VRK1: variants seen among roughly 807,000 people sequenced by gnomAD.
The protein encoded by VRK1 is VRK serine/threonine kinase 1, also known as serine/threonine-protein kinase VRK1.
In VRK1, 33 loss-of-function variants were observed where a neutral mutation model predicts 57.1. The observed-to-expected ratio is 0.58, with a 90% CI of 0.44 to 0.77. The LOEUF (loss-of-function observed/expected upper bound fraction) is 0.77, where lower values mean the gene tolerates loss of function less well. Among genes scored for constraint, VRK1 ranks in the 30% least tolerant of loss-of-function variants. VRK1 has a pLI of 0.00. For missense variants in VRK1, 413 were observed against 477.3 expected (o/e 0.87, Z 1.25); for synonymous variants, 137 against 147.8 (o/e 0.93, Z 0.53).
chr14:96,856,596 G>T lies in VRK1; in HGVS notation c.889+10G>T, dbSNP rs1456272984. The T allele has an allele frequency of 2.5e-6, 4 of 1,610,782 alleles. No homozygotes were observed. The highest frequency in any genetic ancestry group is 2.2e-5 in the South Asian group (2 of 90,922). On this transcript the variant is annotated intron_variant, in intron 10 of 12. Transcript: ENST00000216639. Reference sequence around the variant, plus strand: ...GAGAAAAACAAACCAGGTAGGAAATGACTTCTTCAGTGTTAATAGGGATTT... The same window carrying T: ...GAGAAAAACAAACCAGGTAGGAAATTACTTCTTCAGTGTTAATAGGGATTT...
At chr14:96,880,909 C>T (rs898608702) in intron 12 of VRK1, among the ~76,000 whole-genome samples, 2 of 151,934 alleles carry the variant, frequency 1.3e-5, no homozygotes, top group South Asian at 2.1e-4. Context: ...AAATTAGATA[C>T]GTTTTATCAG....
rs368920903 is a variant in VRK1 at position 96,876,560 on chromosome 14, A to G, written c.1159+440A>G. ...GAAAGGGTTAGTGATAGAGACCAGA[A>G]CTCTTAACTGTCAGGCCAATGTCTT... On this transcript the variant is annotated intron_variant, in intron 12 of 12. Coordinates refer to ENST00000216639, the MANE Select transcript of VRK1 (RefSeq NM_003384.3). Among the ~76,000 whole-genome samples, 46 of 152,136 alleles carry G rather than the reference A, an allele frequency of 3.0e-4. 1 individual carries two copies. The South Asian group carries it at 9.5e-3, about 32-fold the overall frequency.
At chr14:96,866,497 C>A (rs1185449549) in intron 11 of VRK1, among the ~76,000 whole-genome samples, 1 of 152,178 alleles carries the variant, frequency 6.6e-6, no homozygotes, top group East Asian at 1.9e-4. Flanking sequence ...TCTCTTTTCT[C>A]AACAGTTGTG....
chr14:96,820,938 C>A (rs1324577157), intron 1 of VRK1, among the ~76,000 whole-genome samples: 1 of 152,172 alleles, frequency 6.6e-6, no homozygotes, highest in African/African-American at 2.4e-5. Flanking sequence ...ATCTTAAACA[C>A]TTGCATCATT....
chr14:96,875,810 T>A (rs188533927), intron 11 of VRK1, among the ~76,000 whole-genome samples: 7 of 152,318 alleles, frequency 4.6e-5, no homozygotes, highest in African/African-American at 1.7e-4. Flanking sequence ...ACCATCTGGG[T>A]TAACTGTCTA....
At chr14:96,809,314 G>A (rs1187414056) in intron 1 of VRK1, among the ~76,000 whole-genome samples, 1 of 152,182 alleles carries the variant, frequency 6.6e-6, no homozygotes, top group Non-Finnish European at 1.5e-5. Context: ...TTTATGAGAG[G>A]TGTGTCAAAG....
At chr14:96,803,092 G>A (rs967884402) in intron 1 of VRK1, among the ~76,000 whole-genome samples, 3 of 151,752 alleles carry the variant, frequency 2.0e-5, no homozygotes, top group Non-Finnish European at 4.4e-5. Context: ...TGACTGTCTG[G>A]TGTCTTGGTG....
chr14:96,873,657 TA>T (rs1209698291), intron 11 of VRK1, among the ~76,000 whole-genome samples: 2 of 152,198 alleles, frequency 1.3e-5, no homozygotes, highest in Non-Finnish European at 2.9e-5. Context: ...ATCTGAAGCC[TA>T]AGGATGTTGA....
intron 11 of VRK1, among the ~76,000 whole-genome samples, chr14:96,865,956 T>C (rs1040869617): frequency 6.6e-6 from 1 of 152,126 alleles, no homozygotes; most frequent in African/African-American, 2.4e-5. Flanking sequence ...AAAAAGTAAG[T>C]ATTTTTAAAT....
chr14:96,846,388 G>T (rs2139779838), intron 4 of VRK1, among the ~76,000 whole-genome samples: 1 of 152,158 alleles, frequency 6.6e-6, no homozygotes, highest in Admixed American at 6.5e-5. Context: ...AATAATAAAT[G>T]ACCTATGATT....
intron 10 of VRK1, among the ~76,000 whole-genome samples, chr14:96,857,354 G>C (rs1262497284): frequency 6.6e-6 from 1 of 152,102 alleles, no homozygotes; most frequent in Admixed American, 6.5e-5. Context: ...GGTGACATTT[G>C]AGCAGTTGTA....
chr14:96,872,587 C>T (rs189532172), intron 11 of VRK1, among the ~76,000 whole-genome samples: 69 of 152,214 alleles, frequency 4.5e-4, no homozygotes, highest in East Asian at 3.1e-3. Context: ...CATAGGAGAC[C>T]GCATAGTGCT....
At chr14:96,860,369 T>C (rs913637093) in intron 10 of VRK1, among the ~76,000 whole-genome samples, 188 bp from the exon 11 acceptor site, 4 of 152,172 alleles carry the variant, frequency 2.6e-5, no homozygotes, top group East Asian at 1.9e-4. Context: ...CAAAATACTT[T>C]TTAAATTTCA....
At chr14:96,810,735 TTAGA>T (rs1886158945) in intron 1 of VRK1, among the ~76,000 whole-genome samples, 1 of 152,226 alleles carries the variant, frequency 6.6e-6, no homozygotes, top group Admixed American at 6.5e-5. Flanking sequence ...CTGTGGTTTG[TTAGA>T]TCTCTACCTA....
At chr14:96,798,766 T>C (rs992695779) in intron 1 of VRK1, among the ~76,000 whole-genome samples, 2 of 152,364 alleles carry the variant, frequency 1.3e-5, no homozygotes, top group Admixed American at 1.3e-4. Flanking sequence ...AAGGGTTCTT[T>C]ATATAGTCAT....
chr14:96,821,630 A>T (rs1468456998), intron 1 of VRK1, among the ~76,000 whole-genome samples: 1 of 152,118 alleles, frequency 6.6e-6, no homozygotes, highest in Non-Finnish European at 1.5e-5. Flanking sequence ...TTGCCCCCTT[A>T]CAGTCTATTC....
chr14:96,867,106 A>G (rs1388980787), intron 11 of VRK1, among the ~76,000 whole-genome samples: 1 of 151,980 alleles, frequency 6.6e-6, no homozygotes, highest in South Asian at 2.1e-4. Flanking sequence ...TATACTATGT[A>G]TTATTTTTTA....
At chr14:96,808,085 A>G (rs1005152600) in intron 1 of VRK1, among the ~76,000 whole-genome samples, 3 of 149,452 alleles carry the variant, frequency 2.0e-5, no homozygotes, top group Non-Finnish European at 2.9e-5. Context: ...TGAGTATGGA[A>G]GCCTGGGTAA....
At position 96,818,856 on chromosome 14, in the gene VRK1, G is replaced by A. The variant is rs540161609; in HGVS notation, c.-5-14611G>A. Among the ~76,000 whole-genome samples, 8 of 152,100 alleles carry A rather than the reference G, an allele frequency of 5.3e-5. No individual in the cohort carries two copies. In the South Asian group the frequency reaches 1.7e-3, roughly 32 times the overall value. On this transcript the variant is annotated intron_variant, in intron 1 of 12. Transcript: ENST00000216639. ...TTCTGTCTCAATCATAGGATTTTTG[G>A]GATCAAAATGAAGAAAATATATGAG... is the stretch of plus-strand genomic sequence containing the variant.
Sources: allele counts gnomAD v4.1 joint callset (sites outside exome capture counted in the v4.1 genomes callset), GRCh38; gene constraint gnomAD v4.1.1; transcripts MANE v1.5; gene names NCBI Gene and HGNC (gene_info 2026-07-23, HGNC 2026-07-21).